DCP2: variants seen among roughly 807,000 people sequenced by gnomAD.
The protein encoded by DCP2 is decapping mRNA 2.
In DCP2, 30 loss-of-function variants were observed where a neutral mutation model predicts 56.1. The ratio of observed to expected loss-of-function variants is 0.53; its 90% CI spans 0.40 to 0.73. The LOEUF is 0.73. Ranked by LOEUF, DCP2 falls within the 30% of genes least tolerant of loss-of-function variation. The pLI is 0.00. For missense variants in DCP2, 533 were observed against 502.7 expected (o/e 1.06, Z -0.58); for synonymous variants, 197 against 163.3 (o/e 1.21, Z -1.57).
At chr5:113,000,432 A>ACAC (rs1749124200) in intron 4 of DCP2, among the ~76,000 whole-genome samples, 2 of 143,384 alleles carry the variant, frequency 1.4e-5, no homozygotes, top group Non-Finnish European at 1.5e-5. Flanking sequence ...ACACCCACAC[A>ACAC]CCCTACCTGA....
Position 113,015,761 on chromosome 5 carries a change from C to T in DCP2, c.*2277C>T, listed in dbSNP as rs1453826968. ...TTGGATGTACTTGTTTTAGGTACAT[C>T]TACTATACTTATTCTCTCAAACCTG... is the stretch of plus-strand genomic sequence containing the variant. On this transcript the variant is annotated 3_prime_UTR_variant, in exon 11 of 11. Coordinates refer to ENST00000389063, the MANE Select transcript of DCP2 (RefSeq NM_152624.6). 6.6e-6 allele frequency: 1 copy of T among 152,640 alleles called. No individual in the cohort carries two copies. The highest frequency in any genetic ancestry group is 1.5e-5 in the Non-Finnish European group (1 of 68,046). 9.5% of individuals were successfully genotyped at this position (152,640 alleles called of 1,614,324 possible).
intron 9 of DCP2, chr5:113,008,381 A>G (rs1324432386): frequency 2.2e-5 from 4 of 180,114 alleles, no homozygotes; most frequent in Non-Finnish European, 4.6e-5. Context: ...GTTTGGGGGG[A>G]TTTGACTATT....
chr5:112,996,686 T>G (rs965203254), intron 4 of DCP2, among the ~76,000 whole-genome samples: 1 of 152,172 alleles, frequency 6.6e-6, no homozygotes, highest in Non-Finnish European at 1.5e-5. Context: ...AATAGAGAGC[T>G]AAGAACAGAC....
intron 1 of DCP2, among the ~76,000 whole-genome samples, chr5:112,978,967 T>C (rs1332853296): frequency 5.9e-5 from 9 of 152,204 alleles, no homozygotes; most frequent in Non-Finnish European, 1.3e-4. Context: ...GTATTGGGGT[T>C]AATTTGCATA....
In DCP2 at chr5:113,019,876, G is replaced by A. The variant is rs1388093393; in HGVS notation, c.*6392G>A. 6.6e-6 allele frequency: 1 copy of A among 152,124 alleles called. No homozygotes were observed. Among genetic ancestry groups the A allele is most frequent in the Non-Finnish European group, 1.5e-5 (1 of 68,008 alleles). 9.4% of individuals were successfully genotyped at this position (152,124 alleles called of 1,614,324 possible). A position where few individuals can be genotyped will look rare whatever the true frequency, so the allele number is the denominator to read the frequency against. On this transcript the variant is annotated 3_prime_UTR_variant, in exon 11 of 11. Transcript: ENST00000389063. ...AAACGGAATTACAGTTCATGCATTA[G>A]CATTTTTAAGTGAAGTTCTCTTAAT...
At chr5:112,991,754 G>A (rs183996352) in intron 2 of DCP2, among the ~76,000 whole-genome samples, 142 of 152,200 alleles carry the variant, frequency 9.3e-4, no homozygotes, top group Non-Finnish European at 1.7e-3. Context: ...CTGGCATTAT[G>A]AATTTGACTC....
chr5:113,000,878 C>T (rs1334569171), intron 4 of DCP2, among the ~76,000 whole-genome samples: 1 of 152,180 alleles, frequency 6.6e-6, no homozygotes, highest in African/African-American at 2.4e-5. Context: ...ATATACCATA[C>T]CACCTGTGGA....
At chr5:112,977,860 G>GT (rs1747792289) in intron 1 of DCP2, among the ~76,000 whole-genome samples, 1 of 152,164 alleles carries the variant, frequency 6.6e-6, no homozygotes, top group African/African-American at 2.4e-5. Flanking sequence ...CAGTTACTGT[G>GT]TTTATGTTTT....
intron 2 of DCP2, among the ~76,000 whole-genome samples, chr5:112,988,889 G>C (rs1201219385): frequency 6.6e-6 from 1 of 152,076 alleles, no homozygotes; most frequent in African/African-American, 2.4e-5. Flanking sequence ...TTAGGGTTTT[G>C]GATAACATTT....
chr5:112,999,388 C>T (rs891081404), intron 4 of DCP2, among the ~76,000 whole-genome samples: 1 of 151,918 alleles, frequency 6.6e-6, no homozygotes, highest in East Asian at 1.9e-4. Flanking sequence ...AGTGTAATAG[C>T]ATGATCTCGG....
At position 113,020,765 on chromosome 5, in the gene DCP2, C is replaced by T. The variant is rs986277918; in HGVS notation, c.*7281C>T. On this transcript the variant is annotated 3_prime_UTR_variant, in exon 11 of 11. Transcript: ENST00000389063. The stretch of plus-strand genomic sequence containing the variant: ...TGAGAAAATGAACAAAATCCTATGT[C>T]TTAACAGTTATGCTCTAACTTTTTG... 21 of 152,156 alleles carry T rather than the reference C, an allele frequency of 1.4e-4. No individual in the cohort carries two copies. Among genetic ancestry groups the T allele is most frequent in the African/African-American group, 4.6e-4 (19 of 41,430 alleles). 9.4% of individuals were successfully genotyped at this position (152,156 alleles called of 1,614,324 possible). A position where few individuals can be genotyped will look rare whatever the true frequency, so the allele number is the denominator to read the frequency against.
chr5:112,992,588 G>C, intron 3 of DCP2, 84 bp from the exon 4 acceptor site: 5 of 995,996 alleles, frequency 5.0e-6, no homozygotes, highest in Middle Eastern at 2.1e-4. Context: ...GTTACCTCAA[G>C]TAAGGAGAAA....
Position 112,976,993 on chromosome 5 carries a change from C to T in DCP2, c.53+7C>T. The T allele has an allele frequency of 6.5e-7, 1 of 1,539,540 alleles. No homozygotes were observed. The highest frequency in any genetic ancestry group is 1.2e-5 in the South Asian group (1 of 84,044). On this transcript the variant is annotated splice_region_variant and intron_variant, in intron 1 of 10. Coordinates refer to ENST00000389063, the MANE Select transcript of DCP2 (RefSeq NM_152624.6). ...TCCTGGACGATCTCTGCAGGTACCG[C>T]GCTACCCGACCCCCTTTCGCCCCCG...
At chr5:112,987,803 T>TC (rs754295696) in intron 2 of DCP2, among the ~76,000 whole-genome samples, 2 of 151,600 alleles carry the variant, frequency 1.3e-5, no homozygotes, top group South Asian at 2.1e-4. Context: ...CTTTTTTTTT[T>TC]CTCTCCTTTT....
At position 113,013,595 on chromosome 5, in the gene DCP2, A is replaced by C. The variant is rs983523645; in HGVS notation, c.*111A>C. On this transcript the variant is annotated 3_prime_UTR_variant, in exon 11 of 11. Transcript: ENST00000389063. ...TGTTTTAAAGAAATGCAGGGAGGCA[A>C]TGTTTCTGAAGACATTTTCTGTTTA... is the stretch of plus-strand genomic sequence containing the variant. 7 of 1,289,044 alleles carry C rather than the reference A, an allele frequency of 5.4e-6. No individual in the cohort carries two copies. The African/African-American group carries it at 8.9e-5, about 16-fold the overall frequency. The allele number at this position is 1,289,044 out of a possible 1,614,324, so 79.9% of individuals were successfully genotyped here.
At position 113,019,435 on chromosome 5, in the gene DCP2, G is replaced by C. The variant is rs1341504544; in HGVS notation, c.*5951G>C. On this transcript the variant is annotated 3_prime_UTR_variant, in exon 11 of 11. Coordinates refer to ENST00000389063, the MANE Select transcript of DCP2 (RefSeq NM_152624.6). ...GAGTTTCTTTGTGCATTTCACTACT[G>C]TTCTAGGGGACTGCTGTCTCTTTGG... 6.6e-6 allele frequency: 1 copy of C among 152,184 alleles called. No homozygotes were observed. The highest frequency in any genetic ancestry group is 1.5e-5 in the Non-Finnish European group (1 of 68,014). The allele number at this position is 152,184 out of a possible 1,614,324, so 9.4% of individuals were successfully genotyped here.
At chr5:113,006,521 T>C (rs1270687786) in intron 8 of DCP2, among the ~76,000 whole-genome samples, 2 of 152,216 alleles carry the variant, frequency 1.3e-5, no homozygotes, top group African/African-American at 4.8e-5. Context: ...TTCAAAGCCA[T>C]ACTTCCTTCA....
chr5:113,010,710 C>G (rs1189458432), intron 9 of DCP2, 46 bp from the exon 10 acceptor site: 2 of 1,434,758 alleles, frequency 1.4e-6, no homozygotes, highest in Non-Finnish European at 9.1e-7. Flanking sequence ...TAACTGGTGA[C>G]TGTGTTGTAT....
At chr5:112,989,421 A>G (rs889483471) in intron 2 of DCP2, among the ~76,000 whole-genome samples, 1 of 150,984 alleles carries the variant, frequency 6.6e-6, no homozygotes, top group Non-Finnish European at 1.5e-5. Context: ...AATGTTAACT[A>G]TTACTCCAAA....
Sources: allele counts gnomAD v4.1 joint callset (sites outside exome capture counted in the v4.1 genomes callset), GRCh38; gene constraint gnomAD v4.1.1; transcripts MANE v1.5; gene names NCBI Gene and HGNC (gene_info 2026-07-23, HGNC 2026-07-21).